ATP8A2: variants seen among roughly 807,000 people sequenced by gnomAD.
ATP8A2 encodes the protein ATPase phospholipid transporting 8A2.
A neutral mutation model predicts 165.6 loss-of-function variants in ATP8A2; 100 were observed. The ratio of observed to expected loss-of-function variants is 0.60; its 90% CI spans 0.51 to 0.71. ATP8A2 has a LOEUF of 0.71. ATP8A2 is among the 30% of genes least tolerant of loss of function. The pLI is 0.00. For missense variants in ATP8A2, 1,227 were observed against 1,479.5 expected (o/e 0.83, Z 2.80); for synonymous variants, 543 against 548.8 (o/e 0.99, Z 0.15).
chr13:25,644,527 T>TTTG (rs2041620026), intron 24 of ATP8A2, among the ~76,000 whole-genome samples: 1 of 151,694 alleles, frequency 6.6e-6, no homozygotes, highest in South Asian at 2.1e-4. Flanking sequence ...ATTTTTTTTT[T>TTTG]TGTGATGTCC....
At chr13:25,407,044 C>T (rs1015990524) in intron 1 of ATP8A2, among the ~76,000 whole-genome samples, 2 of 152,184 alleles carry the variant, frequency 1.3e-5, no homozygotes, top group African/African-American at 4.8e-5. Context: ...TTAAGGGCCA[C>T]TTAAAGATAC....
Position 25,578,909 on chromosome 13 carries a change from A to T in ATP8A2, c.1867+10A>T. 1 of 1,578,810 alleles carries T rather than the reference A, an allele frequency of 6.3e-7. No individual in the cohort carries two copies. Among genetic ancestry groups the T allele is most frequent in the Non-Finnish European group, 8.7e-7 (1 of 1,148,210 alleles). On this transcript the variant is annotated intron_variant, in intron 21 of 36. Coordinates refer to ENST00000381655, the MANE Select transcript of ATP8A2 (RefSeq NM_016529.6). ...TACTTTGCCACGGAAGGTAAGTGGA[A>T]TTTGGAAATGCTGTTTTTGGCCATT...
chr13:25,955,343 T>G (rs1955494223), intron 33 of ATP8A2, among the ~76,000 whole-genome samples: 1 of 152,166 alleles, frequency 6.6e-6, no homozygotes. Flanking sequence ...AGGAGCTGGT[T>G]TTTTGAAAAG....
chr13:25,693,009 G>T (rs1279894139), intron 24 of ATP8A2, among the ~76,000 whole-genome samples: 4 of 152,040 alleles, frequency 2.6e-5, no homozygotes, highest in African/African-American at 9.7e-5. Context: ...TATCTTTCTG[G>T]GTATGAAACC....
At chr13:25,444,635 G>GT (rs879360153) in intron 1 of ATP8A2, among the ~76,000 whole-genome samples, 4,521 of 143,630 alleles carry the variant, frequency 0.031, 63 homozygotes, top group African/African-American at 0.048. Context: ...TCAAGCATCT[G>GT]TTTTTTTTTT....
intron 24 of ATP8A2, among the ~76,000 whole-genome samples, chr13:25,656,262 A>G (rs1171615080): frequency 2.2e-5 from 3 of 136,104 alleles, no homozygotes; most frequent in African/African-American, 8.4e-5. Flanking sequence ...GAATCACACT[A>G]TTACTTAAAG....
At chr13:25,926,162 T>TA (rs1566275051) in intron 33 of ATP8A2, among the ~76,000 whole-genome samples, 1 of 152,188 alleles carries the variant, frequency 6.6e-6, no homozygotes, top group Admixed American at 6.5e-5. Context: ...TAACAAGACT[T>TA]AAAGACTCTC....
chr13:25,674,937 G>A (rs2042342926), intron 24 of ATP8A2, among the ~76,000 whole-genome samples: 1 of 152,180 alleles, frequency 6.6e-6, no homozygotes, highest in South Asian at 2.1e-4. Context: ...CTACTGAGTA[G>A]TTTGAAAGCA....
chr13:25,856,001 G>A (rs1253014186), intron 30 of ATP8A2, among the ~76,000 whole-genome samples: 3 of 152,030 alleles, frequency 2.0e-5, no homozygotes, highest in Non-Finnish European at 4.4e-5. Context: ...TTTTTGGGTG[G>A]CCTTTTTACT....
At chr13:25,535,852 T>C (rs1015663526) in intron 6 of ATP8A2, among the ~76,000 whole-genome samples, 1 of 152,064 alleles carries the variant, frequency 6.6e-6, no homozygotes, top group Non-Finnish European at 1.5e-5. Flanking sequence ...AAATTTTTTT[T>C]CAAGCAAAAT....
chr13:25,680,778 C>T lies in ATP8A2; in HGVS notation c.2212-18395C>T, dbSNP rs571345296. Among the ~76,000 whole-genome samples the T allele has an allele frequency of 2.9e-3, 436 of 152,332 alleles. 7 individuals are homozygous for T. The highest frequency in any genetic ancestry group is 6.6e-3 in the South Asian group (32 of 4,814). On this transcript the variant is annotated intron_variant, in intron 24 of 36. Coordinates refer to ENST00000381655, the MANE Select transcript of ATP8A2 (RefSeq NM_016529.6). ...TTTGCCATTGCCATCAAGGTGCCCT[C>T]TACAACCATGTTTGTATTTATCTCA...
At chr13:25,860,335 C>G (rs1363299053) in intron 31 of ATP8A2, 79 bp downstream of exon 31, 2 of 753,120 alleles carry the variant, frequency 2.7e-6, no homozygotes, top group African/African-American at 1.8e-5. Flanking sequence ...TTAAAAAGGG[C>G]CTTCCTCATT....
At chr13:25,379,330 G>A (rs2032753281) in intron 1 of ATP8A2, among the ~76,000 whole-genome samples, 1 of 152,170 alleles carries the variant, frequency 6.6e-6, no homozygotes, top group Admixed American at 6.5e-5. Flanking sequence ...GGAAACTGGG[G>A]TAAGCAAACT....
chr13:25,953,085 C>T lies in ATP8A2; in HGVS notation c.3184-8490C>T, dbSNP rs17586105. ...GCAACTGCAAGGGTTCTTCCAAATC[C>T]GATTGTCCTGACAGGTTTTGTTTTA... On this transcript the variant is annotated intron_variant, in intron 33 of 36. Coordinates refer to ENST00000381655, the MANE Select transcript of ATP8A2 (RefSeq NM_016529.6). The surrounding 1 kb of genome is among the most constrained non-coding windows in gnomAD (Gnocchi z 6.7). Among the ~76,000 whole-genome samples the T allele has an allele frequency of 0.031, 4,714 of 152,218 alleles. 83 individuals are homozygous for T. The highest frequency in any genetic ancestry group is 0.041 in the Non-Finnish European group (2,812 of 68,010).
intron 1 of ATP8A2, among the ~76,000 whole-genome samples, chr13:25,387,724 G>A (rs773557604): frequency 3.3e-5 from 5 of 152,104 alleles, no homozygotes; most frequent in Non-Finnish European, 5.9e-5. Context: ...TTTAAAGATA[G>A]GGGTTTCGTT....
At chr13:25,503,530 C>T (rs1593414244) in intron 2 of ATP8A2, among the ~76,000 whole-genome samples, 1 of 152,276 alleles carries the variant, frequency 6.6e-6, no homozygotes, top group East Asian at 1.9e-4. Context: ...TCCACAAGAA[C>T]TCAGCCTCCA....
chr13:25,776,432 G>A (rs542897783), intron 27 of ATP8A2, among the ~76,000 whole-genome samples: 4 of 152,238 alleles, frequency 2.6e-5, no homozygotes, highest in Non-Finnish European at 4.4e-5. Flanking sequence ...TATAATTGAC[G>A]TTTTATTCAG....
chr13:25,398,137 A>C (rs544585730), intron 1 of ATP8A2, among the ~76,000 whole-genome samples: 1 of 152,288 alleles, frequency 6.6e-6, no homozygotes, highest in South Asian at 2.1e-4. Flanking sequence ...ACAGAATGTA[A>C]ATTTTCCCCA....
chr13:25,620,975 T>C (rs561771308), intron 24 of ATP8A2, among the ~76,000 whole-genome samples: 1 of 152,292 alleles, frequency 6.6e-6, no homozygotes, highest in African/African-American at 2.4e-5. Flanking sequence ...TGGGAAGTTC[T>C]TTTGAGAGAA....
Sources: gnomAD v4.1 joint callset for allele counts (sites outside exome capture counted in the v4.1 genomes callset) on GRCh38, gnomAD v4.1.1 for gene constraint, Gnocchi (gnomAD v3.1) non-coding constraint, MANE v1.5 for transcripts, NCBI Gene and HGNC (gene_info 2026-07-23, HGNC 2026-07-21) for gene names.